DCUN1D1: variants seen among roughly 807,000 people sequenced by gnomAD.
DCUN1D1 encodes the protein defective in cullin neddylation 1 domain containing 1, also known as DCN1-like protein 1.
DCUN1D1 carries 3 observed loss-of-function variants against 39.0 expected under a neutral mutation model. The ratio of observed to expected loss-of-function variants is 0.08; its 90% CI spans 0.04 to 0.20. DCUN1D1 has a LOEUF of 0.20. DCUN1D1 is among the 10% of genes least tolerant of loss of function. The pLI is 1.00. For synonymous variants in DCUN1D1, 82 were observed against 96.3 expected (o/e 0.85, Z 0.87); for missense variants, 158 against 302.4 (o/e 0.52, Z 3.54).
intron 1 of DCUN1D1, 50 bp downstream of exon 1, chr3:182,980,437 C>T (rs775488184): frequency 9.5e-6 from 10 of 1,056,626 alleles, no homozygotes; most frequent in East Asian, 7.8e-5. Flanking sequence ...GGGTGCGCGG[C>T]AGCGCCGGCC....
At chr3:182,945,274 G>A (rs753829144) in intron 6 of DCUN1D1, 101 bp from the exon 7 acceptor site, 35 of 881,672 alleles carry the variant, frequency 4.0e-5, no homozygotes, top group South Asian at 1.1e-4. Flanking sequence ...CCTCATAAGC[G>A]TTAAAGTATA....
chr3:182,938,754 A>G lies in DCUN1D1; in HGVS notation c.*6340T>C, dbSNP rs765939849. 6 of 152,228 alleles carry G rather than the reference A, an allele frequency of 3.9e-5. No homozygotes were observed. The highest frequency in any genetic ancestry group is 8.8e-5 in the Non-Finnish European group (6 of 68,032). The allele number at this position is 152,228 out of a possible 1,614,324, so 9.4% of individuals were successfully genotyped here. A position where few individuals can be genotyped will look rare whatever the true frequency, so the allele number is the denominator to read the frequency against. The stretch of plus-strand genomic sequence containing the variant: ...ATCAACTAAATTTTTATAAATTCCA[A>G]GAGTCGTTAATTCTCAGCTATCTCA... On this transcript the variant is annotated 3_prime_UTR_variant, in exon 7 of 7. Coordinates refer to ENST00000292782, the MANE Select transcript of DCUN1D1 (RefSeq NM_020640.4).
chr3:182,982,895 C>T (rs1388542506), upstream of DCUN1D1, among the ~76,000 whole-genome samples: 3 of 152,132 alleles, frequency 2.0e-5, no homozygotes, highest in Non-Finnish European at 2.9e-5. Context: ...TGCCCCACCT[C>T]GGTCTCCCAA....
At chr3:182,962,883 C>T (rs988638283) in intron 3 of DCUN1D1, among the ~76,000 whole-genome samples, 5 of 152,130 alleles carry the variant, frequency 3.3e-5, no homozygotes, top group African/African-American at 9.7e-5. Context: ...CGGGTTCAAG[C>T]GATTCTCCTG....
intron 4 of DCUN1D1, among the ~76,000 whole-genome samples, chr3:182,951,249 G>T (rs1380858657): frequency 6.6e-6 from 1 of 151,964 alleles, no homozygotes; most frequent in African/African-American, 2.4e-5. Flanking sequence ...AAGTTTATCA[G>T]AACTAAGCAT....
intron 1 of DCUN1D1, among the ~76,000 whole-genome samples, chr3:182,967,004 G>C (rs1053129474): frequency 2.0e-5 from 3 of 152,074 alleles, no homozygotes; most frequent in Non-Finnish European, 4.4e-5. Context: ...CTACTCGGGA[G>C]GCTGAGGCAG....
chr3:182,982,730 C>T (rs1728597158), upstream of DCUN1D1, among the ~76,000 whole-genome samples: 1 of 152,186 alleles, frequency 6.6e-6, no homozygotes, highest in South Asian at 2.1e-4. Flanking sequence ...GCAACCTCCG[C>T]CTCCCAGGTT....
Position 182,957,937 on chromosome 3 carries a change from C to CAAAA in DCUN1D1, c.520+3285_520+3288dup, listed in dbSNP as rs34998390. Among the ~76,000 whole-genome samples, 104 of 67,418 alleles carry CAAAA rather than the reference C, an allele frequency of 1.5e-3. 4 individuals are homozygous for CAAAA. Among genetic ancestry groups the CAAAA allele is most frequent in the South Asian group, 6.3e-3 (8 of 1,276 alleles). 44.2% of individuals were successfully genotyped at this position (67,418 alleles called of 152,430 possible). On this transcript the variant is annotated intron_variant, in intron 4 of 6. Transcript: ENST00000292782. The stretch of plus-strand genomic sequence containing the variant: ...TGGGCAACAGAGCAAGACCCTGCAT[C>CAAAA]AAAAAAAAAAAAAAAAAAAAAAAAC...
Position 182,941,913 on chromosome 3 carries a change from A to G in DCUN1D1, c.*3181T>C, listed in dbSNP as rs895831933. On this transcript the variant is annotated 3_prime_UTR_variant, in exon 7 of 7. Transcript: ENST00000292782. ...ACGTAGTCTTAATAGTAACATGTTTAAAAACCTAAGCAAAGTGTACATTAA... is the reference window on the plus strand; with the variant it reads ...ACGTAGTCTTAATAGTAACATGTTTGAAAACCTAAGCAAAGTGTACATTAA... 2 of 152,136 alleles carry G rather than the reference A, an allele frequency of 1.3e-5. No individual in the cohort carries two copies. The highest frequency in any genetic ancestry group is 2.4e-5 in the African/African-American group (1 of 41,454). The allele number at this position is 152,136 out of a possible 1,614,324, so 9.4% of individuals were successfully genotyped here.
chr3:182,965,561 C>G lies in DCUN1D1; in HGVS notation c.196G>C (p.Glu66Gln), dbSNP rs1378644279. ...CCTTTGTATCTATTGTACAGCTGTT[C>G]TAACTTCTTCCTGTCCAATGATCCT... ...VKGSLDRKKL[E>Q]QLYNRYKDPQ... The change falls in exon 2 of 7, where the codon GAA becomes CAA. Residue 66 changes from glutamate (E) to glutamine (Q), a missense_variant. Glu to Gln is a conservative substitution (Grantham distance 29). This residue lies in a region of DCUN1D1 where 107 missense variants were observed against 174.7 expected (regional missense o/e 0.61). Transcript: ENST00000292782. 1 of 1,613,344 alleles carries G rather than the reference C, an allele frequency of 6.2e-7. No homozygotes were observed. Among genetic ancestry groups the G allele is most frequent in the African/African-American group, 1.3e-5 (1 of 75,020 alleles).
At chr3:182,950,412 C>A (rs1251767082) in intron 4 of DCUN1D1, among the ~76,000 whole-genome samples, 1 of 152,062 alleles carries the variant, frequency 6.6e-6, no homozygotes, top group East Asian at 1.9e-4. Context: ...TACCAAAGTG[C>A]TGGGATTACA....
In DCUN1D1 at chr3:182,938,825, G is replaced by A. The variant is rs1414046101; in HGVS notation, c.*6269C>T. 1 of 152,086 alleles carries A rather than the reference G, an allele frequency of 6.6e-6. No homozygotes were observed. Among genetic ancestry groups the A allele is most frequent in the East Asian group, 1.9e-4 (1 of 5,192 alleles). The allele number at this position is 152,086 out of a possible 1,614,324, so 9.4% of individuals were successfully genotyped here. On this transcript the variant is annotated 3_prime_UTR_variant, in exon 7 of 7. Coordinates refer to ENST00000292782, the MANE Select transcript of DCUN1D1 (RefSeq NM_020640.4). ...CTTAATATTAAGACAGTAACTATCT[G>A]CACACAGTAATCTGTACAAAGTTTA... is the stretch of plus-strand genomic sequence containing the variant.
intron 6 of DCUN1D1, among the ~76,000 whole-genome samples, chr3:182,946,430 A>C (rs931552105): frequency 1.3e-5 from 2 of 152,028 alleles, no homozygotes; most frequent in Admixed American, 6.6e-5. Flanking sequence ...GGTGGCAGGC[A>C]CCTGAAATCC....
At chr3:182,948,189 A>C (rs1328149729) in intron 4 of DCUN1D1, among the ~76,000 whole-genome samples, 3 of 152,232 alleles carry the variant, frequency 2.0e-5, no homozygotes, top group African/African-American at 7.2e-5. Context: ...TGGAAGGTGA[A>C]GGACTGCTCT....
At chr3:182,969,223 C>T (rs180916877) in intron 1 of DCUN1D1, among the ~76,000 whole-genome samples, 1 of 152,204 alleles carries the variant, frequency 6.6e-6, no homozygotes, top group African/African-American at 2.4e-5. Flanking sequence ...CAAAGGCTAT[C>T]CTAGAATAAA....
At chr3:182,966,780 G>A (rs776125597) in intron 1 of DCUN1D1, among the ~76,000 whole-genome samples, 1 of 152,146 alleles carries the variant, frequency 6.6e-6, no homozygotes, top group Non-Finnish European at 1.5e-5. Context: ...TAAATGAAGA[G>A]GGAAAACTTG....
At chr3:182,971,559 G>A (rs1727936846) in intron 1 of DCUN1D1, among the ~76,000 whole-genome samples, 1 of 147,734 alleles carries the variant, frequency 6.8e-6, no homozygotes, top group Non-Finnish European at 1.5e-5. Context: ...GACAAGAGAA[G>A]GCATGCGACC....
intron 1 of DCUN1D1, among the ~76,000 whole-genome samples, chr3:182,977,272 T>G (rs1463828890): frequency 6.6e-6 from 1 of 152,190 alleles, no homozygotes; most frequent in Non-Finnish European, 1.5e-5. Context: ...TGTGTAAAAA[T>G]GGGGAGGAGT....
chr3:182,974,670 G>C (rs1577199229), intron 1 of DCUN1D1, among the ~76,000 whole-genome samples: 2 of 150,854 alleles, frequency 1.3e-5, no homozygotes, highest in African/African-American at 4.9e-5. Flanking sequence ...CACTCCACAT[G>C]TTTATTAAAA....
Sources: gnomAD v4.1 joint callset for allele counts (sites outside exome capture counted in the v4.1 genomes callset) on GRCh38, gnomAD v4.1.1 for gene constraint, gnomAD v4.1.1 regional missense constraint, MANE v1.5 for transcripts, NCBI Gene and HGNC (gene_info 2026-07-23, HGNC 2026-07-21) for gene names.